The following FYB1 variants were observed in gnomAD, a reference collection of about 807,000 sequenced individuals.
FYB1 encodes FYN-binding protein 1.
In FYB1, 41 loss-of-function variants were observed where a neutral mutation model predicts 94.1. The ratio of observed to expected loss-of-function variants is 0.44; its 90% CI spans 0.34 to 0.57. The LOEUF (loss-of-function observed/expected upper bound fraction) is 0.57. FYB1 is among the 20% of genes least tolerant of loss of function. The pLI, the probability that FYB1 is intolerant of heterozygous loss-of-function variation, is 0.02. For missense variants in FYB1, 1,050 were observed against 976.8 expected, an observed-to-expected ratio of 1.07 and a Z score of -1.00; for synonymous variants, 367 against 353.2, an observed-to-expected ratio of 1.04 and a Z score of -0.44.
intron 2 of FYB1, among the ~76,000 whole-genome samples, chr5:39,168,727 G>A (rs1744969839): frequency 6.6e-6 from 1 of 152,092 alleles, no homozygotes; most frequent in Non-Finnish European, 1.5e-5. Flanking sequence ...ATATAATCGT[G>A]TATAAAGTCC....
chr5:39,222,404 C>T (rs1750306788), upstream of FYB1, among the ~76,000 whole-genome samples: 2 of 152,170 alleles, frequency 1.3e-5, no homozygotes, highest in South Asian at 4.1e-4. Context: ...GGGCAGCTTC[C>T]TGGTTTGTGG....
At chr5:39,263,003 C>CT (rs952305350) in intron 1 of FYB1, among the ~76,000 whole-genome samples, 2 of 151,854 alleles carry the variant, frequency 1.3e-5, no homozygotes, top group African/African-American at 4.8e-5. Context: ...TTAATTTTCT[C>CT]TTTTTTAGTT....
At chr5:39,214,324 A>G (rs1749673526) in intron 1 of FYB1, among the ~76,000 whole-genome samples, 1 of 152,244 alleles carries the variant, frequency 6.6e-6, no homozygotes, top group Non-Finnish European at 1.5e-5. Flanking sequence ...TATAGAAAAC[A>G]GTATGGTGGT....
intron 1 of FYB1, among the ~76,000 whole-genome samples, chr5:39,253,379 C>A (rs1389056309): frequency 6.6e-6 from 1 of 152,128 alleles, no homozygotes; most frequent in African/African-American, 2.4e-5. Context: ...CAAAAGCCAT[C>A]TGGGGAGTCC....
At chr5:39,157,596 A>G (rs1243859309) in intron 2 of FYB1, among the ~76,000 whole-genome samples, 1 of 152,238 alleles carries the variant, frequency 6.6e-6, no homozygotes, top group African/African-American at 2.4e-5. Flanking sequence ...CTTAGAAGAT[A>G]CAAAATAAGG....
At chr5:39,218,879 G>A (rs912203019) in intron 1 of FYB1, among the ~76,000 whole-genome samples, 1 of 152,212 alleles carries the variant, frequency 6.6e-6, no homozygotes, top group Non-Finnish European at 1.5e-5. Context: ...CTGATCTGCA[G>A]CTGTTTGTCA....
At chr5:39,147,452 C>CTCTG (rs1554026377) in intron 3 of FYB1, among the ~76,000 whole-genome samples, 3 of 144,516 alleles carry the variant, frequency 2.1e-5, no homozygotes, top group African/African-American at 5.2e-5. Flanking sequence ...GTACATATGC[C>CTCTG]TGTGTGTGTG....
At chr5:39,253,538 G>T (rs142109365) in intron 1 of FYB1, among the ~76,000 whole-genome samples, 2 of 151,948 alleles carry the variant, frequency 1.3e-5, no homozygotes, top group African/African-American at 4.8e-5. Context: ...TGTGTTGTAA[G>T]GCATAGGATT....
At position 39,126,100 on chromosome 5, in the gene FYB1, C is replaced by G. The variant is rs35310393; in HGVS notation, c.1943G>C (p.Trp648Ser). 4.4e-4 allele frequency: 702 copies of G among 1,613,490 alleles called. 4 individuals carry two copies. In the African/African-American group the frequency reaches 7.7e-3, roughly 18 times the overall value. ...TLQVQEKSNT[W>S]SWGILKMLKG... The stretch of plus-strand genomic sequence containing the variant: ...TAACATCTTCAAAATCCCCCAGGAC[C>G]ACGTATTACTCTTCTCTTGAACCTG... The change falls in exon 12 of 19, where the codon TGG (tryptophan) becomes TCG (serine). Residue 648 changes from tryptophan (W) to serine (S), a missense_variant. Transcript: ENST00000512982.
chr5:39,204,588 G>T (rs1045108497), intron 1 of FYB1, among the ~76,000 whole-genome samples: 1 of 152,112 alleles, frequency 6.6e-6, no homozygotes, highest in African/African-American at 2.4e-5. Context: ...GTGTATCTGG[G>T]GCTCTGAAGT....
At chr5:39,118,394 T>C (rs758840831) in intron 16 of FYB1, among the ~76,000 whole-genome samples, 11 of 152,300 alleles carry the variant, frequency 7.2e-5, no homozygotes, top group Non-Finnish European at 1.3e-4. Flanking sequence ...AATTTGATAT[T>C]CTCCATAATT....
chr5:39,181,453 C>G (rs1163614340), intron 2 of FYB1, among the ~76,000 whole-genome samples: 2 of 152,034 alleles, frequency 1.3e-5, no homozygotes, highest in Non-Finnish European at 2.9e-5. Flanking sequence ...ACTGATAGAT[C>G]TATAGTCTGT....
At chr5:39,145,902 T>G (rs1742603844) in intron 3 of FYB1, among the ~76,000 whole-genome samples, 1 of 106,530 alleles carries the variant, frequency 9.4e-6, no homozygotes, top group African/African-American at 5.9e-5. Flanking sequence ...CTCCCATTCT[T>G]TTTTTTTTTC....
chr5:39,136,331 A>G (rs1741677510), intron 7 of FYB1, among the ~76,000 whole-genome samples: 2 of 151,876 alleles, frequency 1.3e-5, no homozygotes, highest in South Asian at 4.2e-4. Flanking sequence ...GGCCTCCCAA[A>G]GTGCTGGGAT....
intron 1 of FYB1, among the ~76,000 whole-genome samples, chr5:39,247,140 A>G (rs951779270): frequency 7.0e-6 from 1 of 142,838 alleles, no homozygotes; most frequent in Non-Finnish European, 1.5e-5. Flanking sequence ...TGTCAAATGA[A>G]TAGCTTTTCT....
intron 2 of FYB1, among the ~76,000 whole-genome samples, chr5:39,181,571 G>A (rs1435586091): frequency 6.6e-5 from 10 of 152,090 alleles, no homozygotes; most frequent in Non-Finnish European, 1.5e-4. Flanking sequence ...CTGGGCCCTT[G>A]CACTGCCTGC....
chr5:39,139,078 T>G, intron 5 of FYB1, 155 bp downstream of exon 5: 2 of 829,062 alleles, frequency 2.4e-6, no homozygotes, highest in East Asian at 5.9e-5. Flanking sequence ...TGTAACATCT[T>G]AAGCATTTTA....
At chr5:39,258,413 A>G (rs531368155) in intron 1 of FYB1, among the ~76,000 whole-genome samples, 1 of 152,296 alleles carries the variant, frequency 6.6e-6, no homozygotes, top group African/African-American at 2.4e-5. Flanking sequence ...CAGCCTGGCC[A>G]ACATGGTGAA....
chr5:39,259,445 C>T (rs998476114), intron 1 of FYB1, among the ~76,000 whole-genome samples: 2 of 151,824 alleles, frequency 1.3e-5, no homozygotes, highest in Admixed American at 6.6e-5. Context: ...GGGCTGGAGG[C>T]CTCAGGAAGA....
Sources: allele counts gnomAD v4.1 joint callset (sites outside exome capture counted in the v4.1 genomes callset), GRCh38; gene constraint gnomAD v4.1.1; transcripts MANE v1.5; gene names NCBI Gene and HGNC (gene_info 2026-07-23, HGNC 2026-07-21).